The following TMEM164 variants were observed in gnomAD, a reference collection of about 807,000 sequenced individuals.
The protein encoded by TMEM164 is RP13-360B22.2.
TMEM164 carries 4 observed loss-of-function variants against 18.8 expected under a neutral mutation model. The observed-to-expected ratio is 0.21, with a 90% CI of 0.10 to 0.49. TMEM164 has a LOEUF of 0.49. TMEM164 is among the 20% of genes least tolerant of loss of function. The pLI, the probability that TMEM164 is intolerant of heterozygous loss-of-function variation, is 0.98. For synonymous variants in TMEM164, 86 were observed against 101.7 expected (o/e 0.85, Z 0.93); for missense variants, 108 against 239.9 (o/e 0.45, Z 3.63).
At chrX:110,070,009 T>G (rs954380492) in intron 3 of TMEM164, among the ~76,000 whole-genome samples, 2 of 112,026 alleles carry the variant, frequency 1.8e-5, no homozygotes, top group African/African-American at 6.5e-5. Context: ...TTGATTACAT[T>G]AGGCTTTAAA....
intron 3 of TMEM164, among the ~76,000 whole-genome samples, chrX:110,077,837 C>T (rs1013602898): frequency 7.1e-5 from 8 of 112,196 alleles, no homozygotes; most frequent in South Asian, 3.7e-4. Flanking sequence ...GTTAGCCTGA[C>T]GGGATTCCCT....
In TMEM164 at chrX:110,144,920, C is replaced by T. The variant is rs1256903025; in HGVS notation, c.586+44C>T. 2.8e-6 allele frequency: 3 copies of T among 1,054,452 alleles called. No individual in the cohort carries two copies. The African/African-American group carries it at 5.5e-5, about 19-fold the overall frequency. The allele number at this position is 1,054,452 out of a possible 1,213,427, so 86.9% of individuals were successfully genotyped here. A position where few individuals can be genotyped will look rare whatever the true frequency, so the allele number is the denominator to read the frequency against. On this transcript the variant is annotated intron_variant, in intron 5 of 6. Transcript: ENST00000372068. ...ATTCCTATGTAACCCCCACACCTAACCTCTCCCTTCTGTTTTTGGGAGTCA... is the reference window on the plus strand; with the variant it reads ...ATTCCTATGTAACCCCCACACCTAATCTCTCCCTTCTGTTTTTGGGAGTCA...
chrX:110,123,572 A>G (rs1358251649), intron 4 of TMEM164, among the ~76,000 whole-genome samples: 1 of 112,475 alleles, frequency 8.9e-6, no homozygotes, highest in Non-Finnish European at 1.9e-5. Context: ...CCCCTGTTGC[A>G]TAAGTACTGA....
At chrX:110,009,368 A>G (rs1932898626) in intron 2 of TMEM164, among the ~76,000 whole-genome samples, 1 of 112,318 alleles carries the variant, frequency 8.9e-6, no homozygotes, top group African/African-American at 3.2e-5. Flanking sequence ...AGCCGTCTGA[A>G]TACATGTCAG....
At chrX:110,116,170 A>G (rs2066361034) in intron 4 of TMEM164, among the ~76,000 whole-genome samples, 1 of 112,247 alleles carries the variant, frequency 8.9e-6, no homozygotes, top group Non-Finnish European at 1.9e-5. Flanking sequence ...AAGAAATGGG[A>G]AAAAGATTAA....
chrX:110,166,846 G>A (rs1351912840), intron 5 of TMEM164, among the ~76,000 whole-genome samples: 1 of 112,195 alleles, frequency 8.9e-6, no homozygotes, highest in Non-Finnish European at 1.9e-5. Context: ...AAGAAAACTG[G>A]TTTTTCACTG....
downstream of TMEM164, among the ~76,000 whole-genome samples, chrX:110,181,832 G>T (rs2067324946): frequency 8.9e-6 from 1 of 112,509 alleles, no homozygotes; most frequent in South Asian, 3.7e-4. Context: ...CAGTGGAAGG[G>T]GTTCCTATTT....
intron 2 of TMEM164, among the ~76,000 whole-genome samples, chrX:110,061,215 G>A (rs1017917800): frequency 8.9e-6 from 1 of 112,505 alleles, no homozygotes; most frequent in Non-Finnish European, 1.9e-5. Context: ...TGCTAGCTAT[G>A]TGCTAGGCAT....
chrX:110,172,192 C>A (rs765571895), intron 6 of TMEM164, among the ~76,000 whole-genome samples: 66 of 111,925 alleles, frequency 5.9e-4, no homozygotes, highest in African/African-American at 1.9e-3. Flanking sequence ...CCCTTGAGGG[C>A]AGAGAGTTCT....
In TMEM164 at chrX:110,144,732, A is replaced by C. The variant is rs149262125; in HGVS notation, c.508-66A>C. 94 of 991,103 alleles carry C rather than the reference A, an allele frequency of 9.5e-5. No individual in the cohort carries two copies. In the East Asian group the frequency reaches 2.8e-3, roughly 30 times the overall value. The allele number at this position is 991,103 out of a possible 1,213,427, so 81.7% of individuals were successfully genotyped here. On this transcript the variant is annotated intron_variant, in intron 4 of 6. Transcript: ENST00000372068. ...GGGTCCTGAACAGCAGGGGAGGTCA[A>C]CTTTGGACTCTGTTGAAATGAATGC...
intron 2 of TMEM164, among the ~76,000 whole-genome samples, chrX:110,037,384 G>A (rs963532744): frequency 2.7e-5 from 3 of 112,067 alleles, no homozygotes; most frequent in Non-Finnish European, 5.6e-5. Flanking sequence ...GAAAGGATGT[G>A]AGTTATTGGC....
intron 5 of TMEM164, among the ~76,000 whole-genome samples, chrX:110,164,526 C>T (rs951244425): frequency 9.0e-6 from 1 of 111,140 alleles, no homozygotes; most frequent in African/African-American, 3.3e-5. Context: ...GTCTCAGGCA[C>T]GACCATGATA....
chrX:110,138,629 G>A (rs1466560256), intron 4 of TMEM164, among the ~76,000 whole-genome samples: 1 of 112,111 alleles, frequency 8.9e-6, no homozygotes, highest in Admixed American at 9.5e-5. Context: ...GGTGATGTGC[G>A]AGAATCCCAG....
At chrX:110,123,012 T>C (rs1012164798) in intron 4 of TMEM164, among the ~76,000 whole-genome samples, 5 of 112,367 alleles carry the variant, frequency 4.4e-5, no homozygotes, top group East Asian at 5.5e-4. Context: ...TGAAGATATA[T>C]GACTGTTTTC....
intron 3 of TMEM164, among the ~76,000 whole-genome samples, chrX:110,098,838 C>A (rs1325085571): frequency 9.3e-6 from 1 of 107,130 alleles, no homozygotes; most frequent in Non-Finnish European, 1.9e-5. Context: ...ACTCTGCCAC[C>A]CAGGCGTGAT....
At chrX:110,107,651 C>G (rs1439392908) in intron 3 of TMEM164, among the ~76,000 whole-genome samples, 1 of 101,569 alleles carries the variant, frequency 9.8e-6, no homozygotes, top group Non-Finnish European at 2.0e-5. Context: ...TTCCCTTCTT[C>G]CCTCCCCTCC....
At chrX:110,065,601 A>T (rs918705860) in intron 2 of TMEM164, 1 of 111,105 alleles carries the variant, frequency 9.0e-6, no homozygotes, top group Admixed American at 9.6e-5. Flanking sequence ...GAGGGGTGGG[A>T]TGGGGAGTGG....
At chrX:110,146,644 C>A (rs2066859237) in intron 5 of TMEM164, among the ~76,000 whole-genome samples, 1 of 111,901 alleles carries the variant, frequency 8.9e-6, no homozygotes. Context: ...GAGCATCTAC[C>A]ACCCCGCAGA....
intron 4 of TMEM164, among the ~76,000 whole-genome samples, chrX:110,138,824 CAGA>C (rs1465054657): frequency 8.9e-6 from 1 of 111,976 alleles, no homozygotes; most frequent in Non-Finnish European, 1.9e-5. Context: ...TGAGCCTTGG[CAGA>C]AGAAGGAGAG....
Sources: allele counts gnomAD v4.1 joint callset (sites outside exome capture counted in the v4.1 genomes callset), GRCh38; gene constraint gnomAD v4.1.1; transcripts MANE v1.5; gene names NCBI Gene and HGNC (gene_info 2026-07-23, HGNC 2026-07-21).